Variants in C12orf76 observed in about 807,000 individuals in gnomAD.
C12orf76 encodes the protein uncharacterized protein C12orf76.
C12orf76 carries 6 observed loss-of-function variants against 6.8 expected under a neutral mutation model. The ratio of observed to expected loss-of-function variants is 0.88; its 90% CI spans 0.48 to 1.73. The LOEUF (loss-of-function observed/expected upper bound fraction) is 1.73. Among genes scored for constraint, C12orf76 ranks in the 40% most tolerant of loss-of-function variants. The pLI, the probability that C12orf76 is intolerant of heterozygous loss-of-function variation, is 0.01. For synonymous variants in C12orf76, 56 were observed against 43.7 expected (o/e 1.28, Z -1.11); for missense variants, 99 against 98.2 (o/e 1.01, Z -0.03).
At chr12:110,046,873 G>A (rs529296708) in intron 1 of C12orf76, among the ~76,000 whole-genome samples, 1 of 152,220 alleles carries the variant, frequency 6.6e-6, no homozygotes, top group Admixed American at 6.5e-5. Flanking sequence ...GGCTGGGGAT[G>A]CCACCAAACT....
At chr12:110,061,798 A>C (rs1892776790) in intron 2 of C12orf76, among the ~76,000 whole-genome samples, 1 of 151,726 alleles carries the variant, frequency 6.6e-6, no homozygotes. Flanking sequence ...AGCCTCCCAA[A>C]GTGCTGGGAT....
upstream of C12orf76, chr12:110,051,382 A>C: frequency 7.7e-6 from 5 of 652,858 alleles, no homozygotes; most frequent in Middle Eastern, 2.4e-4. Context: ...TTTGCCCAGT[A>C]TCTGGCACAT....
intron 1 of C12orf76, chr12:110,073,409 G>C (rs1270527843): frequency 1.9e-6 from 1 of 519,708 alleles, no homozygotes; most frequent in Non-Finnish European, 3.9e-6. Flanking sequence ...GGTCCTCCCT[G>C]CATCCCACTT....
At chr12:110,059,651 A>C (rs1266944994) in intron 2 of C12orf76, among the ~76,000 whole-genome samples, 1 of 152,158 alleles carries the variant, frequency 6.6e-6, no homozygotes, top group East Asian at 1.9e-4. Flanking sequence ...GAACCATTTC[A>C]TGCTTCCATC....
chr12:110,042,674 G>GA (rs1181161182), intron 1 of C12orf76: 36,644 of 389,896 alleles, frequency 0.094, 6 homozygotes, highest in South Asian at 0.14. Flanking sequence ...GATATACCGT[G>GA]AAAAAAAAAA....
At chr12:110,061,463 T>A (rs1449355589) in intron 2 of C12orf76, among the ~76,000 whole-genome samples, 1 of 152,044 alleles carries the variant, frequency 6.6e-6, no homozygotes, top group Non-Finnish European at 1.5e-5. Context: ...GACAACCCAA[T>A]GGTCTCCTAA....
At chr12:110,065,079 T>A (rs1892835532) in intron 2 of C12orf76, among the ~76,000 whole-genome samples, 2 of 152,254 alleles carry the variant, frequency 1.3e-5, no homozygotes, top group South Asian at 4.1e-4. Flanking sequence ...CGGTGTTTAA[T>A]TGCTTGCCTG....
intron 3 of C12orf76, among the ~76,000 whole-genome samples, chr12:110,058,514 A>C (rs1892715654): frequency 6.6e-6 from 1 of 152,092 alleles, no homozygotes; most frequent in Non-Finnish European, 1.5e-5. Flanking sequence ...AAAATGCAAA[A>C]ATTATCCAGT....
At chr12:110,045,985 A>T (rs1413948032) in intron 1 of C12orf76, 3 of 188,298 alleles carry the variant, frequency 1.6e-5, no homozygotes, top group African/African-American at 7.0e-5. Flanking sequence ...ATAAAGTTTA[A>T]AAAGGAGCTT....
chr12:110,055,691 T>C (rs1211047761), intron 4 of C12orf76, among the ~76,000 whole-genome samples: 1 of 152,062 alleles, frequency 6.6e-6, no homozygotes, highest in African/African-American at 2.4e-5. Context: ...AATCAGGGAA[T>C]GGAGTTTTTA....
intron 1 of C12orf76, among the ~76,000 whole-genome samples, chr12:110,073,095 G>C (rs1278511807): frequency 1.3e-5 from 2 of 152,180 alleles, no homozygotes; most frequent in Non-Finnish European, 2.9e-5. Context: ...GGAGTGCCCT[G>C]AGATCCTTGC....
upstream of C12orf76, among the ~76,000 whole-genome samples, chr12:110,069,278 A>G (rs1442174015): frequency 6.6e-6 from 1 of 152,088 alleles, no homozygotes; most frequent in Non-Finnish European, 1.5e-5. Flanking sequence ...GTCTCTACTA[A>G]AAATACAAAA....
At chr12:110,066,548 G>C (rs960941075) in intron 1 of C12orf76, among the ~76,000 whole-genome samples, 1 of 151,990 alleles carries the variant, frequency 6.6e-6, no homozygotes, top group Admixed American at 6.6e-5. Context: ...TTAGTAGGGC[G>C]TGGTGGCGCA....
At chr12:110,043,212 G>T (rs1404738747) in intron 1 of C12orf76, among the ~76,000 whole-genome samples, 1 of 152,134 alleles carries the variant, frequency 6.6e-6, no homozygotes, top group Non-Finnish European at 1.5e-5. Context: ...AGGCAACCAG[G>T]CAAGGAGTGC....
chr12:110,062,203 G>A (rs939785022), intron 2 of C12orf76, among the ~76,000 whole-genome samples: 1 of 152,198 alleles, frequency 6.6e-6, no homozygotes, highest in African/African-American at 2.4e-5. Context: ...AGCAGAGGTT[G>A]CAGTGAGCCA....
chr12:110,058,972 A>C, intron 3 of C12orf76: 1 of 1,512,494 alleles, frequency 6.6e-7, no homozygotes, highest in Non-Finnish European at 8.9e-7. Flanking sequence ...CTCTATAAGG[A>C]AGGTGCTAGT....
chr12:110,048,735 C>T (rs1281828196), upstream of C12orf76: 8 of 1,106,440 alleles, frequency 7.2e-6, no homozygotes, highest in African/African-American at 4.9e-5. Context: ...TCTGTGCCAA[C>T]GTTCGCCGCG....
chr12:110,057,162 G>A, intron 4 of C12orf76: 1 of 1,495,470 alleles, frequency 6.7e-7, no homozygotes, highest in East Asian at 2.3e-5. Flanking sequence ...CACATGCTCT[G>A]AATATAAGTG....
At chr12:110,069,344 A>G (rs1185732434), upstream of C12orf76, among the ~76,000 whole-genome samples, 1 of 152,104 alleles carries the variant, frequency 6.6e-6, no homozygotes, top group Non-Finnish European at 1.5e-5. Flanking sequence ...GGAGGCTGAG[A>G]CAGGAGAATG....
Sources: gnomAD v4.1 joint callset for allele counts (sites outside exome capture counted in the v4.1 genomes callset) on GRCh38, gnomAD v4.1.1 for gene constraint, MANE v1.5 for transcripts, NCBI Gene and HGNC (gene_info 2026-07-23, HGNC 2026-07-21) for gene names.